Variants in LRFN5 observed in about 807,000 individuals in gnomAD.
The protein encoded by LRFN5 is leucine-rich repeat and fibronectin type-III domain-containing protein 5.
LRFN5 carries 24 observed loss-of-function variants against 45.6 expected under a neutral mutation model. The observed-to-expected ratio is 0.53, with a 90% CI of 0.38 to 0.74. The LOEUF (loss-of-function observed/expected upper bound fraction) is 0.74. LRFN5 is among the 30% of genes least tolerant of loss of function. The pLI, the probability that LRFN5 is intolerant of heterozygous loss-of-function variation, is 0.00. For missense variants in LRFN5, 776 were observed against 861.5 expected (o/e 0.90, Z 1.24); for synonymous variants, 340 against 313.8 (o/e 1.08, Z -0.88).
chr14:41,832,106 G>C (rs1455836912), intron 2 of LRFN5, among the ~76,000 whole-genome samples: 3 of 152,086 alleles, frequency 2.0e-5, no homozygotes, highest in Non-Finnish European at 4.4e-5. Context: ...GGAGGTTAGG[G>C]ATTCAATATA....
intron 3 of LRFN5, among the ~76,000 whole-genome samples, chr14:41,890,998 T>C (rs1370797668): frequency 6.6e-6 from 1 of 152,192 alleles, no homozygotes; most frequent in Non-Finnish European, 1.5e-5. Context: ...TTAGGAGTTC[T>C]CCTTTGCTAA....
At chr14:41,818,456 A>AT (rs1490270018) in intron 2 of LRFN5, among the ~76,000 whole-genome samples, 1 of 152,044 alleles carries the variant, frequency 6.6e-6, no homozygotes, top group Non-Finnish European at 1.5e-5. Flanking sequence ...ATAACTAAAT[A>AT]TATCATTTAC....
chr14:41,745,795 C>A (rs1884897090), intron 1 of LRFN5, among the ~76,000 whole-genome samples: 1 of 151,812 alleles, frequency 6.6e-6, no homozygotes, highest in African/African-American at 2.4e-5. Flanking sequence ...CTTAAAAATA[C>A]AAAACTTACC....
chr14:41,723,104 G>A (rs1025499015), intron 1 of LRFN5, among the ~76,000 whole-genome samples: 1 of 152,210 alleles, frequency 6.6e-6, no homozygotes, highest in Non-Finnish European at 1.5e-5. Flanking sequence ...GGTGTGAGGT[G>A]TAGAAGACCC....
chr14:41,669,975 A>C (rs958169436), intron 1 of LRFN5, among the ~76,000 whole-genome samples: 3 of 131,164 alleles, frequency 2.3e-5, no homozygotes, highest in African/African-American at 9.4e-5. Context: ...AAAATAGTTA[A>C]AAATATAGTT....
intron 1 of LRFN5, among the ~76,000 whole-genome samples, chr14:41,650,264 CACAAAA>C (rs1480844972): frequency 7.7e-6 from 1 of 130,408 alleles, no homozygotes; most frequent in Non-Finnish European, 1.6e-5. Context: ...CACACACACA[CACAAAA>C]AAAAAAAAGA....
At chr14:41,713,549 G>C (rs1484162513) in intron 1 of LRFN5, among the ~76,000 whole-genome samples, 1 of 152,030 alleles carries the variant, frequency 6.6e-6, no homozygotes, top group Non-Finnish European at 1.5e-5. Flanking sequence ...CAGAATCTCA[G>C]TGTGAAATAG....
chr14:41,832,955 A>C (rs1029221474), intron 2 of LRFN5, among the ~76,000 whole-genome samples: 1 of 152,166 alleles, frequency 6.6e-6, no homozygotes, highest in Non-Finnish European at 1.5e-5. Context: ...AAATATATAT[A>C]TCTGGAGAAC....
intron 1 of LRFN5, among the ~76,000 whole-genome samples, chr14:41,666,551 A>G (rs1323857011): frequency 6.6e-6 from 1 of 152,082 alleles, no homozygotes; most frequent in East Asian, 1.9e-4. Flanking sequence ...CCTCATGGCT[A>G]TTTTTAAGTA....
At chr14:41,890,575 C>T (rs550518921) in intron 3 of LRFN5, among the ~76,000 whole-genome samples, 30 of 151,790 alleles carry the variant, frequency 2.0e-4, no homozygotes, top group East Asian at 5.9e-4. Context: ...GGCGTGGTGG[C>T]GGGCGCCTGT....
intron 5 of LRFN5, among the ~76,000 whole-genome samples, chr14:41,900,851 T>C (rs1462644964): frequency 6.6e-6 from 1 of 152,128 alleles, no homozygotes; most frequent in African/African-American, 2.4e-5. Flanking sequence ...TTCTTAGCTT[T>C]GTCATAGCCT....
chr14:41,704,784 G>A (rs1187336298), intron 1 of LRFN5, among the ~76,000 whole-genome samples: 2 of 151,942 alleles, frequency 1.3e-5, no homozygotes, highest in African/African-American at 4.8e-5. Flanking sequence ...ATATACAACA[G>A]GAAATAAGTA....
At chr14:41,737,131 C>G (rs1884474093) in intron 1 of LRFN5, among the ~76,000 whole-genome samples, 1 of 152,144 alleles carries the variant, frequency 6.6e-6, no homozygotes, top group Admixed American at 6.6e-5. Context: ...AATCCAGCAG[C>G]ACATTAAAAA....
chr14:41,890,190 T>C (rs999844648), intron 3 of LRFN5, among the ~76,000 whole-genome samples: 5 of 152,228 alleles, frequency 3.3e-5, no homozygotes, highest in African/African-American at 1.2e-4. Flanking sequence ...TGATATTAGA[T>C]TTAGGCACTG....
intron 1 of LRFN5, among the ~76,000 whole-genome samples, chr14:41,724,345 G>A (rs181158649): frequency 6.6e-6 from 1 of 152,112 alleles, no homozygotes; most frequent in Admixed American, 6.5e-5. Context: ...CACAGTTAGC[G>A]TGACTGAAAG....
chr14:41,793,160 GAAAA>G (rs537474247), intron 2 of LRFN5, among the ~76,000 whole-genome samples: 2 of 149,862 alleles, frequency 1.3e-5, no homozygotes, highest in African/African-American at 4.9e-5. Context: ...AAAAAAAAAA[GAAAA>G]AAAAAGTATT....
At chr14:41,722,577 T>TG (rs34944663) in intron 1 of LRFN5, among the ~76,000 whole-genome samples, 1 of 151,304 alleles carries the variant, frequency 6.6e-6, no homozygotes, top group Non-Finnish European at 1.5e-5. Flanking sequence ...TTTTTTTTTT[T>TG]CTTTCTCTTT....
chr14:41,750,566 G>C (rs1024232691), intron 1 of LRFN5, among the ~76,000 whole-genome samples: 1 of 151,962 alleles, frequency 6.6e-6, no homozygotes, highest in Admixed American at 6.6e-5. Context: ...ATTAAAATTT[G>C]CTTTCATTGT....
intron 2 of LRFN5, among the ~76,000 whole-genome samples, chr14:41,783,046 C>T (rs192773127): frequency 2.3e-4 from 32 of 138,172 alleles, no homozygotes; most frequent in Admixed American, 2.3e-3. Context: ...AATCCTTTCT[C>T]GAGATGGTAC....
Sources: allele counts gnomAD v4.1 joint callset (sites outside exome capture counted in the v4.1 genomes callset), GRCh38; gene constraint gnomAD v4.1.1; transcripts MANE v1.5; gene names NCBI Gene and HGNC (gene_info 2026-07-23, HGNC 2026-07-21).